Variants in SGPP1 observed in about 807,000 individuals in gnomAD.
SGPP1 encodes hSPP1.
In SGPP1, 21 loss-of-function variants were observed where a neutral mutation model predicts 33.0. The ratio of observed to expected loss-of-function variants is 0.64; its 90% CI spans 0.45 to 0.92. SGPP1 has a LOEUF of 0.92. SGPP1 is among the 40% of genes least tolerant of loss of function. SGPP1 has a pLI of 0.00. For missense variants in SGPP1, 543 were observed against 589.4 expected (o/e 0.92, Z 0.81); for synonymous variants, 239 against 241.2 (o/e 0.99, Z 0.08).
At chr14:63,727,031 C>G (rs1885896182) in intron 1 of SGPP1, among the ~76,000 whole-genome samples, 1 of 152,164 alleles carries the variant, frequency 6.6e-6, no homozygotes, top group African/African-American at 2.4e-5. Flanking sequence ...GGTTCTAAGG[C>G]ATTAAATTGG....
intron 2 of SGPP1, among the ~76,000 whole-genome samples, chr14:63,696,567 AAT>A (rs756108584): frequency 6.6e-6 from 1 of 152,262 alleles, no homozygotes; most frequent in African/African-American, 2.4e-5. Context: ...TTTGCATAAA[AAT>A]ATGATACTTA....
chr14:63,716,513 T>C (rs1468352776), intron 1 of SGPP1, among the ~76,000 whole-genome samples: 1 of 151,508 alleles, frequency 6.6e-6, no homozygotes, highest in African/African-American at 2.4e-5. Flanking sequence ...AACAAAAAAA[T>C]TAAAAATATA....
At chr14:63,696,803 T>C (rs1444462007) in intron 2 of SGPP1, among the ~76,000 whole-genome samples, 2 of 152,078 alleles carry the variant, frequency 1.3e-5, no homozygotes, top group Non-Finnish European at 2.9e-5. Context: ...CTGGCCAACA[T>C]GGTGAAACCC....
At chr14:63,722,485 C>T (rs781482074) in intron 1 of SGPP1, among the ~76,000 whole-genome samples, 1 of 151,182 alleles carries the variant, frequency 6.6e-6, no homozygotes, top group African/African-American at 2.4e-5. Flanking sequence ...GAGCCAATAT[C>T]GCACCACTGC....
At chr14:63,708,650 T>C (rs886245109) in intron 1 of SGPP1, among the ~76,000 whole-genome samples, 3 of 152,184 alleles carry the variant, frequency 2.0e-5, no homozygotes, top group African/African-American at 7.2e-5. Context: ...GAAATAAATA[T>C]GAATTTATTA....
intron 1 of SGPP1, among the ~76,000 whole-genome samples, chr14:63,715,709 G>A (rs1885610137): frequency 6.6e-6 from 1 of 152,166 alleles, no homozygotes; most frequent in Non-Finnish European, 1.5e-5. Context: ...ACAGAGTATT[G>A]GAGAGACAAA....
chr14:63,718,867 T>C (rs1020538816), intron 1 of SGPP1, among the ~76,000 whole-genome samples: 1 of 149,746 alleles, frequency 6.7e-6, no homozygotes, highest in African/African-American at 2.4e-5. Context: ...AATAAACCTA[T>C]GGAAAGTTCT....
chr14:63,703,726 A>C (rs1885348273), intron 1 of SGPP1, among the ~76,000 whole-genome samples: 1 of 150,940 alleles, frequency 6.6e-6, no homozygotes, highest in African/African-American at 2.4e-5. Context: ...AGAAGACTTA[A>C]TACATTAAAA....
intron 1 of SGPP1, among the ~76,000 whole-genome samples, chr14:63,706,834 G>A (rs553975749): frequency 1.3e-5 from 2 of 152,204 alleles, no homozygotes; most frequent in Non-Finnish European, 2.9e-5. Flanking sequence ...CCTCAGGTCA[G>A]GAGTTTGAGA....
Position 63,694,707 on chromosome 14 carries a change from G to A in SGPP1, c.774+3862C>T, listed in dbSNP as rs979004362. Among the ~76,000 whole-genome samples the A allele has an allele frequency of 1.2e-4, 18 of 152,292 alleles. No homozygotes were observed. The East Asian group carries it at 2.5e-3, about 21-fold the overall frequency. On this transcript the variant is annotated intron_variant, in intron 2 of 2. Coordinates refer to ENST00000247225, the MANE Select transcript of SGPP1 (RefSeq NM_030791.4). ...AATGTATAACTAAGTGGTTTTAAGTGTTAGAGCACAAAGTATGCAATAAAG... is the reference window on the plus strand; with the variant it reads ...AATGTATAACTAAGTGGTTTTAAGTATTAGAGCACAAAGTATGCAATAAAG...
Position 63,686,551 on chromosome 14 carries a change from T to G in SGPP1, c.880A>C (p.Ile294Leu). 1 of 1,614,016 alleles carries G rather than the reference T, an allele frequency of 6.2e-7. No individual in the cohort carries two copies. ...AAAGCTAAATGAAGCCCGATGATGA[T>G]GAATGGAGCATATTTGTGAGTTTGG... Reference protein sequence around the residue: ...FNQTHKYAPFIIIGLHLALGI... With the variant: ...FNQTHKYAPFLIIGLHLALGI... Residue 294 changes from isoleucine to leucine, a missense_variant, in exon 3 of 3, where the codon ATC becomes CTC. By Grantham distance (5) the Ile-to-Leu change is conservative. Coordinates refer to ENST00000247225, the MANE Select transcript of SGPP1 (RefSeq NM_030791.4).
rs188618901 is a variant in SGPP1 at position 63,720,455 on chromosome 14, T to C, written c.684+6806A>G. ...CAGAACAGTACAGTATATTACCTTG[T>C]GTATGAATAATAAACTATATAGGCC... On this transcript the variant is annotated intron_variant, in intron 1 of 2. Transcript: ENST00000247225. 4.0e-5 allele frequency among the ~76,000 whole-genome samples: 6 copies of C among 151,886 alleles called. No homozygotes were observed. In the East Asian group the frequency reaches 1.2e-3, roughly 30 times the overall value.
chr14:63,722,919 C>T (rs1016467375), intron 1 of SGPP1, among the ~76,000 whole-genome samples: 18 of 150,476 alleles, frequency 1.2e-4, no homozygotes, highest in African/African-American at 3.9e-4. Flanking sequence ...CTGCAGTGAG[C>T]CGGAATCGTG....
intron 2 of SGPP1, among the ~76,000 whole-genome samples, chr14:63,691,053 A>G (rs1285697412): frequency 1.3e-5 from 2 of 152,264 alleles, no homozygotes; most frequent in Non-Finnish European, 2.9e-5. Context: ...GATATAAAAC[A>G]TAGTTTGGCT....
At chr14:63,727,145 C>G in intron 1 of SGPP1, 116 bp downstream of exon 1, 1 of 1,427,536 alleles carries the variant, frequency 7.0e-7, no homozygotes, top group Non-Finnish European at 9.1e-7. Flanking sequence ...TTGTGAAAAC[C>G]TGTGGAAAGA....
chr14:63,704,613 G>A (rs1242730236), intron 1 of SGPP1, among the ~76,000 whole-genome samples: 2 of 152,178 alleles, frequency 1.3e-5, no homozygotes, highest in Non-Finnish European at 2.9e-5. Flanking sequence ...ACTTTGGGAG[G>A]CCAAGGCAGA....
In SGPP1 at chr14:63,684,578, A is replaced by G. The variant is rs1884932488; in HGVS notation, c.*1527T>C. 1 of 152,512 alleles carries G rather than the reference A, an allele frequency of 6.6e-6. No homozygotes were observed. Among genetic ancestry groups the G allele is most frequent in the Non-Finnish European group, 1.5e-5 (1 of 67,926 alleles). 9.4% of individuals were successfully genotyped at this position (152,512 alleles called of 1,614,324 possible). On this transcript the variant is annotated 3_prime_UTR_variant, in exon 3 of 3. Transcript: ENST00000247225. ...TCTCAATCAGAATTATAAAAATATG[A>G]GCTCAAATAGTTATGGTGCCCAAAA... is the stretch of plus-strand genomic sequence containing the variant.
At chr14:63,689,925 G>A (rs753266925) in intron 2 of SGPP1, among the ~76,000 whole-genome samples, 32 of 151,950 alleles carry the variant, frequency 2.1e-4, no homozygotes, top group Non-Finnish European at 3.2e-4. Context: ...TGTAGTTATC[G>A]GTCATTCACT....
chr14:63,690,292 C>T (rs1417552941), intron 2 of SGPP1, among the ~76,000 whole-genome samples: 1 of 152,240 alleles, frequency 6.6e-6, no homozygotes, highest in East Asian at 1.9e-4. Flanking sequence ...ATCCACCTGC[C>T]TCAGCCTCCC....
Sources: allele counts gnomAD v4.1 joint callset (sites outside exome capture counted in the v4.1 genomes callset), GRCh38; gene constraint gnomAD v4.1.1; transcripts MANE v1.5; gene names NCBI Gene and HGNC (gene_info 2026-07-23, HGNC 2026-07-21).